TMEM132B: variants seen among roughly 807,000 people sequenced by gnomAD.
TMEM132B encodes transmembrane protein 132B.
TMEM132B carries 18 observed loss-of-function variants against 90.8 expected under a neutral mutation model. The observed-to-expected ratio is 0.20, with a 90% confidence interval of 0.14 to 0.29. The LOEUF is 0.29. Among genes scored for constraint, TMEM132B ranks in the 10% least tolerant of loss-of-function variants. TMEM132B has a pLI of 1.00. For synonymous variants in TMEM132B, 504 were observed against 523.3 expected (o/e 0.96, Z 0.50); for missense variants, 1,096 against 1,326.8 (o/e 0.83, Z 2.70).
intron 4 of TMEM132B, among the ~76,000 whole-genome samples, chr12:125,521,246 C>T (rs1350265551): frequency 3.3e-5 from 5 of 152,064 alleles, no homozygotes; most frequent in African/African-American, 9.7e-5. Flanking sequence ...TCCTTCACTT[C>T]CCCTCCTTCT....
intron 5 of TMEM132B, among the ~76,000 whole-genome samples, chr12:125,620,946 T>C (rs1050985546): frequency 6.6e-6 from 1 of 152,138 alleles, no homozygotes; most frequent in Non-Finnish European, 1.5e-5. Flanking sequence ...TGAGATTTGG[T>C]TGGGGACACA....
chr12:125,533,680 G>A (rs1883712178), intron 4 of TMEM132B, among the ~76,000 whole-genome samples: 1 of 128,108 alleles, frequency 7.8e-6, no homozygotes, highest in Non-Finnish European at 1.8e-5. Context: ...TCCCCTCCCC[G>A]GCGGAGGCTC....
intron 8 of TMEM132B, 143 bp from the exon 9 acceptor site, chr12:125,653,422 G>T: frequency 1.1e-6 from 1 of 909,776 alleles, no homozygotes; most frequent in Non-Finnish European, 1.6e-6. Flanking sequence ...ACCAGTTCAA[G>T]GCATAACAAG....
chr12:125,450,000 C>A lies in TMEM132B; in HGVS notation c.1106+34323C>A, dbSNP rs564629387. ...AGTGGTATGACTTATGATTTCAAAA[C>A]TGTGTATTCACATTTGTACCTGTAT... On this transcript the variant is annotated intron_variant, in intron 3 of 8. Coordinates refer to ENST00000682704, the MANE Select transcript of TMEM132B (RefSeq NM_001366854.1). Among the ~76,000 whole-genome samples the A allele has an allele frequency of 5.3e-5, 8 of 152,236 alleles. No individual in the cohort carries two copies. In the South Asian group the frequency reaches 1.7e-3, roughly 32 times the overall value.
intron 1 of TMEM132B, among the ~76,000 whole-genome samples, chr12:125,191,907 C>T (rs1431903597): frequency 6.6e-6 from 1 of 152,182 alleles, no homozygotes; most frequent in Non-Finnish European, 1.5e-5. Flanking sequence ...CATTACAAGG[C>T]TGGGGACTTC....
chr12:125,540,192 T>C lies in TMEM132B; in HGVS notation c.1293+20567T>C, dbSNP rs555796895. On this transcript the variant is annotated intron_variant, in intron 4 of 8. Coordinates refer to ENST00000682704, the MANE Select transcript of TMEM132B (RefSeq NM_001366854.1). ...GGCTGATAACATACTTTATATGACT[T>C]AATTCCTTTTATATTTATTAAGACT... Among the ~76,000 whole-genome samples, 10 of 152,364 alleles carry C rather than the reference T, an allele frequency of 6.6e-5. No individual in the cohort carries two copies. The South Asian group carries it at 2.1e-3, about 32-fold the overall frequency.
chr12:125,275,549 C>A (rs1326688876), intron 1 of TMEM132B, among the ~76,000 whole-genome samples: 1 of 152,134 alleles, frequency 6.6e-6, no homozygotes. Flanking sequence ...AGGAGAGTTT[C>A]TTTGAATGAA....
At chr12:125,494,470 T>G (rs1882468266) in intron 3 of TMEM132B, among the ~76,000 whole-genome samples, 1 of 85,086 alleles carries the variant, frequency 1.2e-5, no homozygotes, top group Non-Finnish European at 2.2e-5. Context: ...CAAAAATGGA[T>G]GCGTCCCTCC....
intron 4 of TMEM132B, among the ~76,000 whole-genome samples, chr12:125,537,500 C>T (rs1049389147): frequency 6.6e-6 from 1 of 150,480 alleles, no homozygotes; most frequent in African/African-American, 2.5e-5. Flanking sequence ...TTCTAAGTCA[C>T]CTGGGGCGGA....
In TMEM132B at chr12:125,349,438, CCTTT is replaced by C; in HGVS notation, c.68-10_68-7del. 1 of 1,585,564 alleles carries C rather than the reference CCTTT, an allele frequency of 6.3e-7. No individual in the cohort carries two copies. The highest frequency in any genetic ancestry group is 8.6e-7 in the Non-Finnish European group (1 of 1,166,370). On this transcript the variant is annotated splice_polypyrimidine_tract_variant and intron_variant, in intron 1 of 8. Transcript: ENST00000682704. The surrounding 1 kb of genome is among the most constrained non-coding windows in gnomAD (Gnocchi z 4.1). ...GAACACGGTTTTATTCTTTTGCTTT[CCTTT>C]CTTGTGCAGTGACAGAGAGTCGAGG...
At chr12:125,319,853 A>C (rs1351774077) in intron 1 of TMEM132B, among the ~76,000 whole-genome samples, 1 of 152,070 alleles carries the variant, frequency 6.6e-6, no homozygotes, top group African/African-American at 2.4e-5. Context: ...TGTCTCTATA[A>C]AAAGTAAACA....
intron 3 of TMEM132B, among the ~76,000 whole-genome samples, chr12:125,506,781 A>G (rs1193525430): frequency 6.6e-5 from 10 of 152,226 alleles, no homozygotes; most frequent in Non-Finnish European, 1.2e-4. Flanking sequence ...TAAACTTGAT[A>G]AGCTAAGGTA....
intron 1 of TMEM132B, among the ~76,000 whole-genome samples, chr12:125,253,149 C>T (rs1199574066): frequency 6.6e-6 from 1 of 152,088 alleles, no homozygotes; most frequent in African/African-American, 2.4e-5. Context: ...CTGCCTCTGA[C>T]CCCCTCCTCC....
chr12:125,546,046 A>T lies in TMEM132B; in HGVS notation c.1293+26421A>T, dbSNP rs1479039613. Among the ~76,000 whole-genome samples, 3 of 152,344 alleles carry T rather than the reference A, an allele frequency of 2.0e-5. No individual in the cohort carries two copies. In the East Asian group the frequency reaches 5.8e-4, roughly 29 times the overall value. ...TCATTCAGGGAATTTTAGCAAATGAATGCAATTGTGTAATCACCACTAAAA... is the reference window on the plus strand; with the variant it reads ...TCATTCAGGGAATTTTAGCAAATGATTGCAATTGTGTAATCACCACTAAAA... On this transcript the variant is annotated intron_variant, in intron 4 of 8. Coordinates refer to ENST00000682704, the MANE Select transcript of TMEM132B (RefSeq NM_001366854.1).
chr12:125,253,943 T>C (rs1186205337), intron 1 of TMEM132B, among the ~76,000 whole-genome samples: 1 of 152,164 alleles, frequency 6.6e-6, no homozygotes, highest in African/African-American at 2.4e-5. Flanking sequence ...TCTGTGGAGC[T>C]TGGCTTTTGC....
intron 2 of TMEM132B, among the ~76,000 whole-genome samples, chr12:125,373,021 T>C (rs1047607112): frequency 2.0e-5 from 3 of 152,242 alleles, no homozygotes; most frequent in African/African-American, 4.8e-5. Flanking sequence ...TGGTCCTCTT[T>C]GGCAATCCTG....
At chr12:125,228,182 T>G (rs4765028) in intron 1 of TMEM132B, among the ~76,000 whole-genome samples, 34,007 of 152,060 alleles carry the variant, frequency 0.22, 4,088 homozygotes, top group East Asian at 0.35. Flanking sequence ...GAAGACCCCC[T>G]GTTTCCGCCT....
At chr12:125,235,843 G>A (rs1478073793) in intron 1 of TMEM132B, among the ~76,000 whole-genome samples, 1 of 101,322 alleles carries the variant, frequency 9.9e-6, no homozygotes. Context: ...TTGCTCTGTT[G>A]TCCAGGCTGG....
intron 5 of TMEM132B, among the ~76,000 whole-genome samples, chr12:125,601,333 A>G (rs1320952093): frequency 6.6e-6 from 1 of 152,212 alleles, no homozygotes; most frequent in Non-Finnish European, 1.5e-5. Context: ...ACACAACTAC[A>G]TGGAAATTGA....
Sources: allele counts gnomAD v4.1 joint callset (sites outside exome capture counted in the v4.1 genomes callset), GRCh38; gene constraint gnomAD v4.1.1; non-coding constraint Gnocchi (gnomAD v3.1); transcripts MANE v1.5; gene names NCBI Gene and HGNC (gene_info 2026-07-23, HGNC 2026-07-21).